Variants in CBFA2T3 observed in about 807,000 individuals in gnomAD.
The protein encoded by CBFA2T3 is CBFA2/RUNX1 partner transcriptional co-repressor 3, also known as transcriptional corepressor CBFA2T3.
In CBFA2T3, 31 loss-of-function variants were observed where a neutral mutation model predicts 58.6. That is an observed-to-expected ratio of 0.53 (90% CI 0.40 to 0.71). CBFA2T3 has a LOEUF of 0.71. CBFA2T3 is among the 30% of genes least tolerant of loss of function. The pLI, the probability that CBFA2T3 is intolerant of heterozygous loss-of-function variation, is 0.00. For synonymous variants in CBFA2T3, 531 were observed against 421.9 expected (o/e 1.26, Z -3.17); for missense variants, 1,076 against 963.1 (o/e 1.12, Z -1.55).
In CBFA2T3 at chr16:88,877,105, G is replaced by A. The variant is rs1007585410; in HGVS notation, c.1833C>T (p.Pro611=). ...AGGGGCCCAGGCTGTGGGCGGCTTC[G>A]GGCGGTCCAGGCACCGGGTCGGCCA... ...AVVADPVPGP[P]EAAHSLGPSL... The change falls in exon 12 of 12, where the codon CCC becomes CCT. Residue 611 remains proline (P), a synonymous_variant. Coordinates refer to ENST00000268679, the MANE Select transcript of CBFA2T3 (RefSeq NM_005187.6). 4.9e-5 allele frequency: 76 copies of A among 1,545,062 alleles called. No homozygotes were observed. The highest frequency in any genetic ancestry group is 5.9e-5 in the Non-Finnish European group (68 of 1,144,820).
intron 1 of CBFA2T3, among the ~76,000 whole-genome samples, chr16:88,912,592 C>T (rs753649891): frequency 4.6e-5 from 7 of 152,204 alleles, no homozygotes; most frequent in South Asian, 2.1e-4. Context: ...TCCAGCCACT[C>T]GTCAATGTCT....
chr16:88,919,673 C>G (rs762723098), intron 1 of CBFA2T3, among the ~76,000 whole-genome samples: 1 of 152,168 alleles, frequency 6.6e-6, no homozygotes, highest in African/African-American at 2.4e-5. Context: ...GCGGAGTCCC[C>G]GGGCGGGACC....
intron 1 of CBFA2T3, among the ~76,000 whole-genome samples, chr16:88,962,216 C>T (rs1406204767): frequency 1.3e-5 from 2 of 152,262 alleles, no homozygotes; most frequent in African/African-American, 2.4e-5. Context: ...CAGCACTGGA[C>T]ATTCCCACTC....
At chr16:88,901,376 C>T (rs574710826) in intron 2 of CBFA2T3, 128 bp downstream of exon 2, 7 of 530,748 alleles carry the variant, frequency 1.3e-5, no homozygotes, top group Admixed American at 8.1e-5. Flanking sequence ...CTGGGCCACA[C>T]GAGCTCCTCA....
At chr16:88,896,986 G>C (rs1435131328) in intron 3 of CBFA2T3, among the ~76,000 whole-genome samples, 1 of 152,258 alleles carries the variant, frequency 6.6e-6, no homozygotes, top group Non-Finnish European at 1.5e-5. Flanking sequence ...GTGTTCCTAA[G>C]TTAGACCGCA....
intron 1 of CBFA2T3, chr16:88,938,996 C>T (rs1034533047): frequency 3.9e-5 from 6 of 152,222 alleles, no homozygotes; most frequent in African/African-American, 1.2e-4. Context: ...GCCCGGCCCT[C>T]CCCACTGCAG....
Position 88,977,103 on chromosome 16 carries a change from G to T in CBFA2T3, c.-296C>A, listed in dbSNP as rs977577041. 4 of 354,096 alleles carry T rather than the reference G, an allele frequency of 1.1e-5. No homozygotes were observed. Among genetic ancestry groups the T allele is most frequent in the African/African-American group, 8.1e-5 (4 of 49,190 alleles). The allele number at this position is 354,096 out of a possible 1,614,324, so 21.9% of individuals were successfully genotyped here. ...GGGTGAGGCAGCCAGCTGTGTCCCC[G>T]TGATAATGCCGGGGCCGGAGGCCTG... On this transcript the variant is annotated 5_prime_UTR_variant, in exon 1 of 12. Transcript: ENST00000268679.
rs1033915920 is a variant in CBFA2T3, at chr16:88,966,730, C to T, written c.151+9927G>A. The stretch of plus-strand genomic sequence containing the variant: ...CGCTGGACAGAGGCCTTTCTGAACA[C>T]GAGCTGGGTGGGTTGGGGTGGGGGG... On this transcript the variant is annotated intron_variant, in intron 1 of 11. Transcript: ENST00000268679. 1.7e-4 allele frequency among the ~76,000 whole-genome samples: 25 copies of T among 146,096 alleles called. 3 individuals carry two copies. In the East Asian group the frequency reaches 1.8e-3, roughly 11 times the overall value.
intron 1 of CBFA2T3, among the ~76,000 whole-genome samples, chr16:88,919,335 C>T (rs544749367): frequency 6.6e-5 from 10 of 152,330 alleles, no homozygotes; most frequent in Admixed American, 3.3e-4. Context: ...CTCCTTCATT[C>T]GGTGTACTCT....
At chr16:88,948,938 G>T (rs1265610330) in intron 1 of CBFA2T3, among the ~76,000 whole-genome samples, 1 of 152,208 alleles carries the variant, frequency 6.6e-6, no homozygotes, top group Non-Finnish European at 1.5e-5. Flanking sequence ...AGGGAATGTG[G>T]ATGGGATTGA....
intron 1 of CBFA2T3, among the ~76,000 whole-genome samples, chr16:88,933,280 C>T (rs1178177847): frequency 5.3e-5 from 8 of 151,508 alleles, no homozygotes; most frequent in African/African-American, 1.5e-4. Context: ...CACGTCTGCA[C>T]GCCTCTGCAC....
At chr16:88,917,827 G>A (rs1970787377) in intron 1 of CBFA2T3, among the ~76,000 whole-genome samples, 1 of 152,222 alleles carries the variant, frequency 6.6e-6, no homozygotes, top group African/African-American at 2.4e-5. Context: ...TGTGCGTGAA[G>A]ACGAGAGTGT....
chr16:88,948,151 ACCT>A (rs1176693385), intron 1 of CBFA2T3, among the ~76,000 whole-genome samples: 1 of 152,060 alleles, frequency 6.6e-6, no homozygotes, highest in Non-Finnish European at 1.5e-5. Context: ...TCTCACTGTG[ACCT>A]CCTTCTGAGA....
At chr16:88,970,305 G>A (rs12709106) in intron 1 of CBFA2T3, among the ~76,000 whole-genome samples, 68,908 of 152,074 alleles carry the variant, frequency 0.45, 16,679 homozygotes, top group African/African-American at 0.62. Context: ...GGCTTCCTCA[G>A]GTGAAGCAAG....
At position 88,892,277 on chromosome 16, in the gene CBFA2T3, C is replaced by T. The variant is rs781158883; in HGVS notation, c.588G>A (p.Gly196=). The change falls in exon 4 of 12, where the codon GGG becomes GGA. Residue 196 remains glycine, a synonymous_variant. Transcript: ENST00000268679. ...QFGSDISPEI[G]ERVRTLVLGL... ...CCAGCACCAGTGTGCGCACGCGCTC[C>T]CCAATCTCTGGGGAGATGTCGCTGC... 1 of 1,612,092 alleles carries T rather than the reference C, an allele frequency of 6.2e-7. No individual in the cohort carries two copies. The highest frequency in any genetic ancestry group is 8.5e-7 in the Non-Finnish European group (1 of 1,179,952).
In CBFA2T3 at chr16:88,971,158, G is replaced by A. The variant is rs551163571; in HGVS notation, c.151+5499C>T. Reference sequence around the variant, plus strand: ...ACGGTCTCCCTCTGTCATCCAGGCTGGAGTGCAGGGGCGCAATCTTGGCTC... The same window carrying A: ...ACGGTCTCCCTCTGTCATCCAGGCTAGAGTGCAGGGGCGCAATCTTGGCTC... On this transcript the variant is annotated intron_variant, in intron 1 of 11. Coordinates refer to ENST00000268679, the MANE Select transcript of CBFA2T3 (RefSeq NM_005187.6). Among the ~76,000 whole-genome samples the A allele has an allele frequency of 2.6e-5, 4 of 152,210 alleles. No homozygotes were observed. In the South Asian group the frequency reaches 6.2e-4, roughly 24 times the overall value.
chr16:88,964,887 A>C (rs962337199), intron 1 of CBFA2T3, among the ~76,000 whole-genome samples: 2 of 150,380 alleles, frequency 1.3e-5, no homozygotes. Context: ...CCATCCATCC[A>C]TCCATCCACC....
chr16:88,960,276 C>T lies in CBFA2T3; in HGVS notation c.151+16381G>A, dbSNP rs76040455. On this transcript the variant is annotated intron_variant, in intron 1 of 11. Transcript: ENST00000268679. Reference sequence around the variant, plus strand: ...CCTCAAGCTCTAAGTTCAATGTGGACGGCATCTGTGAAATGGGACTGCGTC... The same window carrying T: ...CCTCAAGCTCTAAGTTCAATGTGGATGGCATCTGTGAAATGGGACTGCGTC... Among the ~76,000 whole-genome samples the T allele has an allele frequency of 5.8e-4, 89 of 152,254 alleles. No individual in the cohort carries two copies. The East Asian group carries it at 0.015, about 26-fold the overall frequency.
chr16:88,880,586 C>G, intron 10 of CBFA2T3, 134 bp downstream of exon 10: 1 of 731,410 alleles, frequency 1.4e-6, no homozygotes, highest in Non-Finnish European at 2.3e-6. Context: ...AGCCACACAG[C>G]GGAATGCAGA....
Sources: gnomAD v4.1 joint callset for allele counts (sites outside exome capture counted in the v4.1 genomes callset) on GRCh38, gnomAD v4.1.1 for gene constraint, MANE v1.5 for transcripts, NCBI Gene and HGNC (gene_info 2026-07-23, HGNC 2026-07-21) for gene names.